The following NAALADL2 variants were observed in gnomAD, a reference collection of about 807,000 sequenced individuals.
NAALADL2 encodes inactive N-acetylated-alpha-linked acidic dipeptidase-like protein 2.
NAALADL2 carries 76 observed loss-of-function variants against 87.2 expected under a neutral mutation model. The observed-to-expected ratio is 0.87, with a 90% CI of 0.72 to 1.05. The LOEUF (loss-of-function observed/expected upper bound fraction) is 1.05, where lower values mean the gene tolerates loss of function less well. Ranked by LOEUF, NAALADL2 falls within the 50% of genes least tolerant of loss-of-function variation. The probability of loss-of-function intolerance (pLI) is 0.00; values close to 1 mark genes in which losing one functional copy is unlikely to be tolerated. For synonymous variants in NAALADL2, 354 were observed against 331.0 expected (o/e 1.07, Z -0.75); for missense variants, 1,089 against 945.8 (o/e 1.15, Z -1.99).
At chr3:175,062,364 T>C (rs937460713) in intron 1 of NAALADL2, among the ~76,000 whole-genome samples, 1 of 152,094 alleles carries the variant, frequency 6.6e-6, no homozygotes, top group African/African-American at 2.4e-5. Flanking sequence ...CAGCTAGTTC[T>C]TTGCTAGATG....
chr3:175,560,697 C>T (rs1405965702), intron 9 of NAALADL2, among the ~76,000 whole-genome samples: 1 of 152,212 alleles, frequency 6.6e-6, no homozygotes, highest in Non-Finnish European at 1.5e-5. Context: ...TTTCAGCTCA[C>T]TGCAACCTCC....
chr3:175,232,309 A>C (rs775865537), intron 2 of NAALADL2, among the ~76,000 whole-genome samples: 1 of 152,152 alleles, frequency 6.6e-6, no homozygotes, highest in African/African-American at 2.4e-5. Context: ...AGCTTCACAA[A>C]GATAGGAGAT....
At position 174,879,299 on chromosome 3, in the gene NAALADL2, T is replaced by C. The variant is rs1042724920; in HGVS notation, c.43+19849T>C. 3.9e-5 allele frequency among the ~76,000 whole-genome samples: 6 copies of C among 152,058 alleles called. 1 individual carries two copies. Among genetic ancestry groups the C allele is most frequent in the Non-Finnish European group, 8.8e-5 (6 of 67,950 alleles). ...GAAGAAGAAGCCTAATTTTACTCCT[T>C]CTTAATTTTGCCAAAGCCAAATTTC... On this transcript the variant is annotated intron_variant, in intron 1 of 13. Coordinates refer to ENST00000454872, the MANE Select transcript of NAALADL2 (RefSeq NM_207015.3).
intron 11 of NAALADL2, among the ~76,000 whole-genome samples, chr3:175,713,401 T>G (rs1055142877): frequency 6.6e-6 from 1 of 152,278 alleles, no homozygotes; most frequent in African/African-American, 2.4e-5. Flanking sequence ...TGGTGATTCA[T>G]ACATTTTTGT....
intron 4 of NAALADL2, among the ~76,000 whole-genome samples, chr3:175,314,509 A>C (rs1357168269): frequency 7.0e-6 from 1 of 142,072 alleles, no homozygotes; most frequent in Non-Finnish European, 1.5e-5. Flanking sequence ...AATTAAATGT[A>C]TTGTGTCTCA....
chr3:174,983,714 C>T (rs7614799), intron 1 of NAALADL2, among the ~76,000 whole-genome samples: 2,731 of 152,094 alleles, frequency 0.018, 75 homozygotes, highest in African/African-American at 0.062. Flanking sequence ...CCAAAGGCCC[C>T]GACTCCTAAT....
intron 10 of NAALADL2, among the ~76,000 whole-genome samples, chr3:175,623,813 A>G (rs1437825019): frequency 6.6e-6 from 1 of 152,014 alleles, no homozygotes; most frequent in Admixed American, 6.6e-5. Flanking sequence ...AATGCTCCTG[A>G]GTTCTCAAAC....
At chr3:174,696,140 G>T (rs1017019942) in intron 2 of NAALADL2, among the ~76,000 whole-genome samples, 1 of 152,068 alleles carries the variant, frequency 6.6e-6, no homozygotes, top group African/African-American at 2.4e-5. Flanking sequence ...TCTGGATAGT[G>T]AGGTGTAATG....
rs1485352972 is a variant in NAALADL2, at chr3:175,447,331, C to T, written c.1193C>T (p.Thr398Ile). The T allele has an allele frequency of 6.2e-7, 1 of 1,600,420 alleles. No individual in the cohort carries two copies. The highest frequency in any genetic ancestry group is 1.3e-5 in the African/African-American group (1 of 74,814). ...CTGATCTCTTCGCCAAAAGCTAGAA[C>T]CAAAAATGAAGCGTGTAGCTCTCTA... ...AKLISSPKAR[T>I]KNEACSSLEL... Residue 398 changes from threonine to isoleucine, a missense_variant, in exon 6 of 14, where the codon ACC (threonine) becomes ATC (isoleucine). By Grantham distance (89) the Thr-to-Ile change is moderately conservative. Coordinates refer to ENST00000454872, the MANE Select transcript of NAALADL2 (RefSeq NM_207015.3).
intron 11 of NAALADL2, chr3:175,675,495 A>T (rs1734647628): frequency 6.6e-6 from 1 of 152,256 alleles, no homozygotes; most frequent in Non-Finnish European, 1.5e-5. Flanking sequence ...AGATAAGATC[A>T]TTCCCTTGCT....
At chr3:175,346,814 T>G (rs896584934) in intron 5 of NAALADL2, among the ~76,000 whole-genome samples, 1 of 152,204 alleles carries the variant, frequency 6.6e-6, no homozygotes, top group Non-Finnish European at 1.5e-5. Context: ...GTTCCTTGTA[T>G]GGATTTTGCT....
intron 1 of NAALADL2, among the ~76,000 whole-genome samples, chr3:174,994,402 A>C (rs1747151843): frequency 1.3e-5 from 2 of 152,230 alleles, no homozygotes; most frequent in South Asian, 4.1e-4. Context: ...TCAAATCTTT[A>C]AACATTCTTA....
chr3:175,358,356 T>A (rs896807929), intron 5 of NAALADL2, among the ~76,000 whole-genome samples: 7 of 152,168 alleles, frequency 4.6e-5, no homozygotes, highest in East Asian at 3.9e-4. Context: ...CATTCTTTTT[T>A]ACAGAAATGA....
At chr3:174,590,287 A>T (rs1442077188) in intron 2 of NAALADL2, among the ~76,000 whole-genome samples, 1 of 152,064 alleles carries the variant, frequency 6.6e-6, no homozygotes, top group Non-Finnish European at 1.5e-5. Flanking sequence ...TCTTTATTTG[A>T]ACCATATAGA....
At chr3:174,823,900 G>A (rs930634072) in intron 3 of NAALADL2, among the ~76,000 whole-genome samples, 5 of 152,042 alleles carry the variant, frequency 3.3e-5, no homozygotes, top group African/African-American at 7.2e-5. Context: ...TAGTAGATAC[G>A]AGATTTCACT....
chr3:175,338,561 A>G (rs1762233013), intron 5 of NAALADL2, among the ~76,000 whole-genome samples: 1 of 139,912 alleles, frequency 7.1e-6, no homozygotes, highest in Admixed American at 7.3e-5. Context: ...TTGTCAATTT[A>G]GGAGCAGCAG....
intron 2 of NAALADL2, among the ~76,000 whole-genome samples, chr3:175,154,592 G>C (rs1485328631): frequency 6.6e-6 from 1 of 152,080 alleles, no homozygotes; most frequent in East Asian, 1.9e-4. Flanking sequence ...AACACTGTGT[G>C]TATACTTGCT....
rs557543533 is a variant in NAALADL2, at chr3:175,358,214, A to G, written c.1090+33889A>G. Among the ~76,000 whole-genome samples, 97 of 152,246 alleles carry G rather than the reference A, an allele frequency of 6.4e-4. 4 individuals are homozygous for G. In the South Asian group the frequency reaches 0.02, roughly 31 times the overall value. ...ACTGTCCCTTTCTAGATACATACAC[A>G]TACATACAGGTTTTTTTTCCTAATT... On this transcript the variant is annotated intron_variant, in intron 5 of 13. Transcript: ENST00000454872.
intron 2 of NAALADL2, among the ~76,000 whole-genome samples, chr3:175,134,159 T>C (rs1324974421): frequency 2.0e-5 from 3 of 152,210 alleles, no homozygotes; most frequent in Non-Finnish European, 4.4e-5. Context: ...TCTTTTATTC[T>C]GGTTTGGTTT....
Sources: allele counts gnomAD v4.1 joint callset (sites outside exome capture counted in the v4.1 genomes callset), GRCh38; gene constraint gnomAD v4.1.1; transcripts MANE v1.5; gene names NCBI Gene and HGNC (gene_info 2026-07-23, HGNC 2026-07-21).